CYP4F11: variants seen among roughly 807,000 people sequenced by gnomAD.
CYP4F11 encodes the protein cytochrome P450 4F11.
Under a neutral mutation model 62.2 loss-of-function variants are expected in CYP4F11, and 79 were observed. The observed-to-expected ratio is 1.27, with a 90% CI of 1.06 to 1.53. CYP4F11 has a LOEUF of 1.53. Ranked by LOEUF, CYP4F11 falls within the 40% of genes most tolerant of loss-of-function variation. CYP4F11 has a pLI of 0.00. For missense variants in CYP4F11, 777 were observed against 680.5 expected, an observed-to-expected ratio of 1.14 and a Z score of -1.58; for synonymous variants, 290 against 263.7, an observed-to-expected ratio of 1.10 and a Z score of -0.97.
chr19:15,927,254 CT>C lies in CYP4F11; in HGVS notation c.482del (p.Lys161SerfsTer4), dbSNP rs1446590306. 1.9e-6 allele frequency: 3 copies of C among 1,614,040 alleles called. No homozygotes were observed. Among genetic ancestry groups the C allele is most frequent in the African/African-American group, 2.7e-5 (2 of 74,892 alleles). Reference sequence around the variant, plus strand: ...TCTTGTTGAAAATCTTCATATAAGGCTTCAAGATGTTGAAATGGAAGGCAGG... The same window carrying C: ...TCTTGTTGAAAATCTTCATATAAGGCTCAAGATGTTGAAATGGAAGGCAGG... ...LTPAFHFNIL[K>X]PYMKIFNKSV... is the part of the protein sequence containing the mutation. On this transcript the variant is annotated frameshift_variant, in exon 4 of 12. Coordinates refer to ENST00000402119, the MANE Select transcript of CYP4F11 (RefSeq NM_021187.4). LOFTEE classifies it high-confidence loss of function.
At chr19:15,918,478 A>C (rs781126985) in intron 8 of CYP4F11, among the ~76,000 whole-genome samples, 1 of 152,308 alleles carries the variant, frequency 6.6e-6, no homozygotes, top group African/African-American at 2.4e-5. Context: ...CTCTTGGCGA[A>C]GTTATGGGAA....
Position 15,913,902 on chromosome 19 carries a change from T to C in CYP4F11, c.1405A>G (p.Ile469Val), listed in dbSNP as rs147938529. The change falls in exon 12 of 12, where the codon ATC (isoleucine) becomes GTC (valine). Residue 469 changes from isoleucine to valine, a missense_variant. Coordinates refer to ENST00000402119, the MANE Select transcript of CYP4F11 (RefSeq NM_021187.4). ...TCAGCCATGGCGAACGCCTGCCCGATGCAGTTTCTGGGGGCAAAAGTGAGG... is the reference window on the plus strand; with the variant it reads ...TCAGCCATGGCGAACGCCTGCCCGACGCAGTTTCTGGGGGCAAAAGTGAGG... ...IPFSAGPRNC[I>V]GQAFAMAEMK... is the part of the protein sequence containing the mutation. 6.2e-7 allele frequency: 1 copy of C among 1,611,850 alleles called. No homozygotes were observed. Among genetic ancestry groups the C allele is most frequent in the South Asian group, 1.1e-5 (1 of 90,666 alleles).
intron 6 of CYP4F11, among the ~76,000 whole-genome samples, chr19:15,922,883 G>A (rs867960358): frequency 1.7e-4 from 23 of 133,086 alleles, no homozygotes; most frequent in African/African-American, 4.3e-4. Context: ...GAGAAACCCC[G>A]TCCCTACTAA....
At chr19:15,922,768 T>A (rs529715291) in intron 6 of CYP4F11, among the ~76,000 whole-genome samples, 2 of 152,284 alleles carry the variant, frequency 1.3e-5, no homozygotes, top group Admixed American at 6.5e-5. Flanking sequence ...AGAAATTAAG[T>A]ATTGGCTGGG....
chr19:15,912,743 ATATGTGTGTGTG>A lies in CYP4F11; in HGVS notation c.*977_*988del, dbSNP rs1437455702. On this transcript the variant is annotated 3_prime_UTR_variant, in exon 12 of 12. Coordinates refer to ENST00000402119, the MANE Select transcript of CYP4F11 (RefSeq NM_021187.4). ...TGTGTGTGTGTGTGTGTATATGTAT[ATATGTGTGTGTG>A]TGTGTGTGTGTGTGTGTATATATAT... 6.0e-3 allele frequency: 204 copies of A among 34,052 alleles called. 6 individuals are homozygous for A. Among genetic ancestry groups the A allele is most frequent in the African/African-American group, 0.022 (188 of 8,598 alleles). 2.1% of individuals were successfully genotyped at this position (34,052 alleles called of 1,614,324 possible). A position where few individuals can be genotyped will look rare whatever the true frequency, so the allele number is the denominator to read the frequency against.
At chr19:15,923,081 G>A (rs1032959639) in intron 6 of CYP4F11, among the ~76,000 whole-genome samples, 6 of 151,586 alleles carry the variant, frequency 4.0e-5, no homozygotes, top group South Asian at 4.2e-4. Context: ...AAGAACTGAA[G>A]TATTACTCTG....
chr19:15,923,015 C>A (rs903241285), intron 6 of CYP4F11, among the ~76,000 whole-genome samples: 1 of 152,130 alleles, frequency 6.6e-6, no homozygotes, highest in Non-Finnish European at 1.5e-5. Flanking sequence ...CACACCATTG[C>A]ACTCCAGCCT....
chr19:15,928,299 C>A (rs1247967245), intron 2 of CYP4F11, among the ~76,000 whole-genome samples: 1 of 152,196 alleles, frequency 6.6e-6, no homozygotes, highest in African/African-American at 2.4e-5. Context: ...TATATGATCC[C>A]AGGTGGAAGC....
Position 15,923,943 on chromosome 19 carries a change from C to A in CYP4F11, c.787G>T (p.Val263Leu), listed in dbSNP as rs1183309856. Residue 263 changes from valine (V) to leucine (L), a missense_variant, in exon 6 of 12, where the codon GTG (valine) becomes TTG (leucine). Coordinates refer to ENST00000402119, the MANE Select transcript of CYP4F11 (RefSeq NM_021187.4). Reference protein sequence around the residue: ...GQRFRRACHLVHDFTDAVIQE... With the variant: ...GQRFRRACHLLHDFTDAVIQE... ...ATGACGGCATCTGTGAAGTCGTGCA[C>A]CAGGTGGCAGGCCCTGCGGAAGCGC... 2.5e-6 allele frequency: 4 copies of A among 1,614,172 alleles called. No homozygotes were observed. Among genetic ancestry groups the A allele is most frequent in the African/African-American group, 1.3e-5 (1 of 75,040 alleles).
rs762483147 is a variant in CYP4F11 at position 15,934,283 on chromosome 19, A to G, written c.126T>C (p.Tyr42=). 1.4e-5 allele frequency: 23 copies of G among 1,613,694 alleles called. No homozygotes were observed. The highest frequency in any genetic ancestry group is 1.8e-5 in the Non-Finnish European group (21 of 1,179,840). The part of the protein sequence containing the change: ...ARVLAWTYTF[Y]DNCRRLQCFP... The stretch of plus-strand genomic sequence containing the variant: ...AACACTGGAGGCGGCGGCAGTTGTC[A>G]TAGAAGGTGTAGGTCCAGGCCAGGA... Residue 42 remains tyrosine (Y), a synonymous_variant, in exon 1 of 12, where the codon TAT becomes TAC. Coordinates refer to ENST00000402119, the MANE Select transcript of CYP4F11 (RefSeq NM_021187.4).
chr19:15,929,600 A>G lies in CYP4F11; in HGVS notation c.200T>C (p.Val67Ala), dbSNP rs1422083041. 3.1e-6 allele frequency: 5 copies of G among 1,591,458 alleles called. No individual in the cohort carries two copies. Among genetic ancestry groups the G allele is most frequent in the Non-Finnish European group, 3.4e-6 (4 of 1,167,606 alleles). Residue 67 changes from valine to alanine, a missense_variant and splice_region_variant, in exon 2 of 12, where the codon GTC (valine) becomes GCC (alanine). Physicochemically the swap from Val to Ala is moderately conservative, Grantham distance 64. Transcript: ENST00000402119. ...CTTCATGCCCTCTTCCGTGGGAGTG[A>G]CCTGAAAACAAGGCAGAGGCCGTCA... ...QNWFWGHQGLVTPTEEGMKTL... is the reference protein window; with the variant it reads ...QNWFWGHQGLATPTEEGMKTL...
At chr19:15,914,696 AG>A (rs1405031623) in intron 9 of CYP4F11, 30 bp from the exon 10 acceptor site, 1 of 1,613,988 alleles carries the variant, frequency 6.2e-7, no homozygotes, top group Non-Finnish European at 8.5e-7. Context: ...AGTCAGGACA[AG>A]GCCCCCCTGC....
At chr19:15,926,190 A>T (rs1015790795) in intron 4 of CYP4F11, among the ~76,000 whole-genome samples, 3 of 151,566 alleles carry the variant, frequency 2.0e-5, no homozygotes, top group African/African-American at 7.3e-5. Flanking sequence ...CAGATTCCCT[A>T]AGCCTAGTGC....
At position 15,914,858 on chromosome 19, in the gene CYP4F11, T is replaced by C. The variant is rs1270011261; in HGVS notation, c.1153A>G (p.Ile385Val). The C allele has an allele frequency of 6.2e-7, 1 of 1,614,128 alleles. No individual in the cohort carries two copies. Among genetic ancestry groups the C allele is most frequent in the Admixed American group, 1.7e-5 (1 of 60,018 alleles). ...LAQLPFLTMC[I>V]KESLRLHPPV... is the part of the protein sequence containing the mutation. ...GGATGCAACCGCAGGCTCTCCTTAATGCACATGGTCAGGAAGGGCAGCTGG... is the reference window on the plus strand; with the variant it reads ...GGATGCAACCGCAGGCTCTCCTTAACGCACATGGTCAGGAAGGGCAGCTGG... Residue 385 changes from isoleucine (I) to valine (V), a missense_variant, in exon 9 of 12, where the codon ATT becomes GTT. Transcript: ENST00000402119.
In CYP4F11 at chr19:15,927,294, C is replaced by T. The variant is rs142657300; in HGVS notation, c.443G>A (p.Arg148His). The part of the protein sequence containing the change: ...LSGGDKWSRH[R>H]RMLTPAFHFN... ...ATGGAAGGCAGGCGTCAACATCCGA[C>T]GGTGGCGGCTCCACTTGTCACCACC... The change falls in exon 4 of 12, where the codon CGT (arginine) becomes CAT (histidine). Residue 148 changes from arginine (R) to histidine (H), a missense_variant. Physicochemically the swap from Arg to His is conservative, Grantham distance 29. Transcript: ENST00000402119. 59 of 1,614,178 alleles carry T rather than the reference C, an allele frequency of 3.7e-5. No individual in the cohort carries two copies. Among genetic ancestry groups the T allele is most frequent in the African/African-American group, 2.9e-4 (22 of 75,038 alleles).
At chr19:15,934,660 T>C (rs1177641347), upstream of CYP4F11, 2 of 430,500 alleles carry the variant, frequency 4.6e-6, no homozygotes, top group Non-Finnish European at 8.1e-6. Flanking sequence ...AGGCCCAGCC[T>C]GAATCACTGG....
At chr19:15,924,620 T>A in intron 5 of CYP4F11, 141 bp downstream of exon 5, 1 of 891,198 alleles carries the variant, frequency 1.1e-6, no homozygotes, top group South Asian at 1.5e-5. Flanking sequence ...TCTTTCCCCC[T>A]CCCCATCCTT....
At position 15,934,267 on chromosome 19, in the gene CYP4F11, G is replaced by A; in HGVS notation, c.142C>T (p.Leu48Phe). 3.7e-6 allele frequency: 6 copies of A among 1,613,840 alleles called. No individual in the cohort carries two copies. The highest frequency in any genetic ancestry group is 5.1e-6 in the Non-Finnish European group (6 of 1,179,824). The change falls in exon 1 of 12, where the codon CTC (leucine) becomes TTC (phenylalanine). Residue 48 changes from leucine (L) to phenylalanine (F), a missense_variant. By Grantham distance (22) the Leu-to-Phe change is conservative. Transcript: ENST00000402119. Reference sequence around the variant, plus strand: ...TTCGGGGGTTGAGGAAAACACTGGAGGCGGCGGCAGTTGTCATAGAAGGTG... The same window carrying A: ...TTCGGGGGTTGAGGAAAACACTGGAAGCGGCGGCAGTTGTCATAGAAGGTG... ...TYTFYDNCRR[L>F]QCFPQPPKQN...
At position 15,924,052 on chromosome 19, in the gene CYP4F11, C is replaced by T; in HGVS notation, c.678G>A (p.Leu226=). 4 of 1,614,102 alleles carry T rather than the reference C, an allele frequency of 2.5e-6. No individual in the cohort carries two copies. Among genetic ancestry groups the T allele is most frequent in the Non-Finnish European group, 3.4e-6 (4 of 1,179,966 alleles). Residue 226 remains leucine (L), a synonymous_variant, in exon 6 of 12, where the codon TTG becomes TTA. Coordinates refer to ENST00000402119, the MANE Select transcript of CYP4F11 (RefSeq NM_021187.4). ...EKPSEYIAAI[L]ELSAFVEKRN... ...TCTTTTCTACAAAGGCACTGAGCTC[C>T]AAGATGGCGGCAATATATTCACTGG...
Sources: allele counts gnomAD v4.1 joint callset (sites outside exome capture counted in the v4.1 genomes callset), GRCh38; gene constraint gnomAD v4.1.1; transcripts MANE v1.5; gene names NCBI Gene and HGNC (gene_info 2026-07-23, HGNC 2026-07-21).